Variants in DDX46 observed in about 807,000 individuals in gnomAD.
DDX46 encodes DEAD-box helicase 46.
Under a neutral mutation model 134.9 loss-of-function variants are expected in DDX46, and 30 were observed. The observed-to-expected ratio is 0.22, with a 90% CI of 0.17 to 0.30. The LOEUF (loss-of-function observed/expected upper bound fraction) is 0.30. Among genes scored for constraint, DDX46 ranks in the 10% least tolerant of loss-of-function variants. The probability of loss-of-function intolerance (pLI) is 1.00; values close to 1 mark genes in which losing one functional copy is unlikely to be tolerated. For missense variants in DDX46, 622 were observed against 1,248.7 expected, an observed-to-expected ratio of 0.50 and a Z score of 7.56; for synonymous variants, 415 against 404.1, an observed-to-expected ratio of 1.03 and a Z score of -0.32.
At chr5:134,775,225 A>G (rs1044176832) in intron 5 of DDX46, among the ~76,000 whole-genome samples, 1 of 152,124 alleles carries the variant, frequency 6.6e-6, no homozygotes, top group Admixed American at 6.6e-5. Context: ...CAGTGTTGGG[A>G]TTACAGGCAG....
chr5:134,783,093 T>C (rs750277252), intron 9 of DDX46, 28 bp downstream of exon 9: 7 of 1,609,780 alleles, frequency 4.3e-6, no homozygotes, highest in Middle Eastern at 1.7e-4. Context: ...GTTTATGTTT[T>C]CCGTGTCTTG....
chr5:134,768,155 G>A (rs1336736350), intron 3 of DDX46, among the ~76,000 whole-genome samples: 4 of 151,250 alleles, frequency 2.6e-5, no homozygotes, highest in Admixed American at 6.6e-5. Flanking sequence ...TGTTGCCCTG[G>A]CTGGAATGCA....
At chr5:134,764,126 A>T in intron 2 of DDX46, 34 bp downstream of exon 2, 1 of 1,576,726 alleles carries the variant, frequency 6.3e-7, no homozygotes, top group Non-Finnish European at 8.6e-7. Context: ...AAGACGAGTG[A>T]TAAATTGGGC....
At chr5:134,821,373 C>T (rs1755444491) in intron 21 of DDX46, among the ~76,000 whole-genome samples, 1 of 151,640 alleles carries the variant, frequency 6.6e-6, no homozygotes, top group Non-Finnish European at 1.5e-5. Flanking sequence ...GATGAGGTTT[C>T]ACCATGTTGG....
chr5:134,822,559 T>G (rs1755485551), intron 21 of DDX46, among the ~76,000 whole-genome samples: 1 of 152,074 alleles, frequency 6.6e-6, no homozygotes, highest in Non-Finnish European at 1.5e-5. Flanking sequence ...AGGCTTGTCT[T>G]GAACTCCTGG....
At chr5:134,778,376 A>G (rs1187314015) in intron 6 of DDX46, among the ~76,000 whole-genome samples, 1 of 151,774 alleles carries the variant, frequency 6.6e-6, no homozygotes, top group Admixed American at 6.6e-5. Context: ...TTTTCATAGC[A>G]TTTATTACAT....
At chr5:134,789,554 A>T (rs947703701) in intron 12 of DDX46, among the ~76,000 whole-genome samples, 1 of 152,042 alleles carries the variant, frequency 6.6e-6, no homozygotes, top group African/African-American at 2.4e-5. Context: ...TAGCATATGG[A>T]AAGTTTTGGT....
chr5:134,802,314 G>A (rs1211994164), intron 15 of DDX46, among the ~76,000 whole-genome samples: 2 of 151,844 alleles, frequency 1.3e-5, no homozygotes. Flanking sequence ...ACAGGCGTAT[G>A]CTACCACATC....
At chr5:134,788,117 A>G (rs991364553) in intron 11 of DDX46, among the ~76,000 whole-genome samples, 11 of 151,508 alleles carry the variant, frequency 7.3e-5, no homozygotes, top group African/African-American at 2.4e-4. Context: ...ACACTAGTCT[A>G]TGTGGTCACT....
chr5:134,798,071 C>CA (rs1281734573), intron 15 of DDX46, among the ~76,000 whole-genome samples: 1 of 152,172 alleles, frequency 6.6e-6, no homozygotes, highest in African/African-American at 2.4e-5. Context: ...CTCAGCCTCC[C>CA]AAAGTCCTGG....
intron 1 of DDX46, among the ~76,000 whole-genome samples, chr5:134,762,028 T>C (rs1250657487): frequency 6.6e-6 from 1 of 151,938 alleles, no homozygotes; most frequent in East Asian, 1.9e-4. Flanking sequence ...TTACATTAAG[T>C]GGAAGGATTG....
At chr5:134,770,185 C>T (rs1002886119) in intron 3 of DDX46, among the ~76,000 whole-genome samples, 2 of 150,632 alleles carry the variant, frequency 1.3e-5, no homozygotes, top group African/African-American at 4.9e-5. Flanking sequence ...GCATGAGCCA[C>T]TATGCCTGAC....
At chr5:134,818,759 C>A (rs1434703988) in intron 20 of DDX46, 101 bp from the exon 21 acceptor site, 10 of 883,184 alleles carry the variant, frequency 1.1e-5, no homozygotes, top group South Asian at 4.7e-5. Context: ...AGAGAGAGAC[C>A]AACCATAATA....
intron 21 of DDX46, among the ~76,000 whole-genome samples, chr5:134,824,566 C>T (rs567010109): frequency 1.3e-5 from 2 of 151,380 alleles, no homozygotes; most frequent in South Asian, 2.1e-4. Flanking sequence ...GCAAAAACAG[C>T]GAAACTCTGT....
intron 6 of DDX46, among the ~76,000 whole-genome samples, chr5:134,779,054 G>T (rs1434812069): frequency 6.6e-6 from 1 of 151,326 alleles, no homozygotes; most frequent in African/African-American, 2.4e-5. Flanking sequence ...TTGCCACCAC[G>T]CCCAGCTAAT....
intron 21 of DDX46, among the ~76,000 whole-genome samples, chr5:134,821,533 TTTG>T (rs1413087027): frequency 1.1e-4 from 16 of 141,836 alleles, no homozygotes; most frequent in African/African-American, 2.2e-4. Flanking sequence ...TTCTGGGTTT[TTTG>T]TTTTTTTTTT....
At position 134,768,377 on chromosome 5, in the gene DDX46, TG is replaced by T. The variant is rs1753649051; in HGVS notation, c.350+1320del. Among the ~76,000 whole-genome samples the T allele has an allele frequency of 1.3e-5, 2 of 151,786 alleles. 1 individual carries two copies. Among genetic ancestry groups the T allele is most frequent in the South Asian group, 4.2e-4 (2 of 4,802 alleles). ...CACCCGCCTCGGCCTCCCAAAGTGC[TG>T]GGATTAAAGGCGTGAGCCACCGTGC... is the stretch of plus-strand genomic sequence containing the variant. On this transcript the variant is annotated intron_variant, in intron 3 of 22. Coordinates refer to ENST00000452510, the MANE Select transcript of DDX46 (RefSeq NM_001300860.2).
intron 19 of DDX46, 98 bp from the exon 20 acceptor site, chr5:134,817,398 T>A: frequency 2.5e-6 from 3 of 1,196,902 alleles, no homozygotes; most frequent in Non-Finnish European, 3.5e-6. Context: ...TAAACTTGCA[T>A]ACAAAGTTAG....
intron 6 of DDX46, among the ~76,000 whole-genome samples, chr5:134,778,419 A>C (rs1363009341): frequency 1.3e-5 from 2 of 152,160 alleles, no homozygotes; most frequent in Admixed American, 6.6e-5. Context: ...TTGTGTTTAC[A>C]GTATGTCCCT....
Sources: gnomAD v4.1 joint callset for allele counts (sites outside exome capture counted in the v4.1 genomes callset) on GRCh38, gnomAD v4.1.1 for gene constraint, MANE v1.5 for transcripts, NCBI Gene and HGNC (gene_info 2026-07-23, HGNC 2026-07-21) for gene names.